ATP6V1H: variants seen among roughly 807,000 people sequenced by gnomAD.
ATP6V1H encodes the protein ATPase H+ transporting V1 subunit H, also known as V-type proton ATPase subunit H.
In ATP6V1H, 39 loss-of-function variants were observed where a neutral mutation model predicts 71.7. The observed-to-expected ratio is 0.54, with a 90% CI of 0.42 to 0.71. ATP6V1H has a LOEUF of 0.71. Ranked by LOEUF, ATP6V1H falls within the 30% of genes least tolerant of loss-of-function variation. The probability of loss-of-function intolerance (pLI) is 0.00; values close to 1 mark genes in which losing one functional copy is unlikely to be tolerated. For missense variants in ATP6V1H, 509 were observed against 594.9 expected (o/e 0.86, Z 1.50); for synonymous variants, 192 against 199.3 (o/e 0.96, Z 0.31).
chr8:53,823,179 C>T (rs1810716305), intron 4 of ATP6V1H, among the ~76,000 whole-genome samples: 1 of 151,854 alleles, frequency 6.6e-6, no homozygotes, highest in Admixed American at 6.6e-5. Flanking sequence ...ACTTATACCC[C>T]TTAAGAAAGA....
intron 12 of ATP6V1H, among the ~76,000 whole-genome samples, chr8:53,754,900 G>C (rs894768893): frequency 6.6e-6 from 1 of 152,216 alleles, no homozygotes; most frequent in Non-Finnish European, 1.5e-5. Context: ...CCACCAGCCA[G>C]AGGACATTTG....
rs548049718 is a variant in ATP6V1H at position 53,784,637 on chromosome 8, G to T, written c.870+11010C>A. 2.0e-5 allele frequency among the ~76,000 whole-genome samples: 3 copies of T among 152,280 alleles called. No homozygotes were observed. In the East Asian group the frequency reaches 5.8e-4, roughly 29 times the overall value. ...GATGCAGTTTCTTCCTAGCAGTGAT[G>T]GTCTTTACAATTTGGCATGTTTTTG... On this transcript the variant is annotated intron_variant, in intron 9 of 13. Transcript: ENST00000359530.
At chr8:53,821,468 G>A (rs1258945717) in intron 4 of ATP6V1H, among the ~76,000 whole-genome samples, 3 of 151,932 alleles carry the variant, frequency 2.0e-5, no homozygotes, top group African/African-American at 2.4e-5. Context: ...ATTTCTTGAG[G>A]CCAGTATTTC....
At chr8:53,774,895 AAAG>A (rs1207456790) in intron 9 of ATP6V1H, among the ~76,000 whole-genome samples, 3 of 152,218 alleles carry the variant, frequency 2.0e-5, no homozygotes, top group Admixed American at 2.0e-4. Flanking sequence ...AGAGAAACAT[AAAG>A]AAGACCCAAA....
intron 13 of ATP6V1H, among the ~76,000 whole-genome samples, chr8:53,736,184 TAA>T (rs765290703): frequency 3.9e-5 from 6 of 152,200 alleles, no homozygotes; most frequent in Non-Finnish European, 8.8e-5. Flanking sequence ...CACTTATATA[TAA>T]GTGTCCCCAC....
At position 53,795,852 on chromosome 8, in the gene ATP6V1H, C is replaced by CA; in HGVS notation, c.678-14dup. 6.4e-6 allele frequency: 10 copies of CA among 1,570,394 alleles called. No homozygotes were observed. The highest frequency in any genetic ancestry group is 8.6e-6 in the Non-Finnish European group (10 of 1,163,750). ...CACTCCCATTATGCTGAAAAACAAA[C>CA]AAACAAAAAAAACACATTTACAAAA... On this transcript the variant is annotated splice_polypyrimidine_tract_variant and intron_variant, in intron 8 of 13. Transcript: ENST00000359530.
chr8:53,758,370 T>A (rs1396349140), intron 11 of ATP6V1H, among the ~76,000 whole-genome samples: 3 of 152,172 alleles, frequency 2.0e-5, no homozygotes, highest in Non-Finnish European at 4.4e-5. Context: ...ATGTGAAATA[T>A]ATAACATTTT....
In ATP6V1H at chr8:53,814,727, CT is replaced by C; in HGVS notation, c.459del (p.Glu154AsnfsTer2). The C allele has an allele frequency of 6.2e-7, 1 of 1,613,006 alleles. No individual in the cohort carries two copies. Among genetic ancestry groups the C allele is most frequent in the Non-Finnish European group, 8.5e-7 (1 of 1,179,596 alleles). ...TTTAAGTCACTGCCTTCCATCAGTT[CT>C]TTTCCCCAAGCTGCTAACTTGGCAA... ...RIIAKLAAWG[K>X]ELMEGSDLNY... On this transcript the variant is annotated frameshift_variant, in exon 6 of 14. Coordinates refer to ENST00000359530, the MANE Select transcript of ATP6V1H (RefSeq NM_015941.4). LOFTEE classifies it high-confidence loss of function.
intron 2 of ATP6V1H, among the ~76,000 whole-genome samples, chr8:53,833,731 C>T (rs1313369692): frequency 6.6e-6 from 1 of 152,084 alleles, no homozygotes; most frequent in East Asian, 1.9e-4. Context: ...TTTCCAAACT[C>T]CTTCCTGTGA....
chr8:53,715,824 T>C lies in ATP6V1H; in HGVS notation c.*140A>G. The C allele has an allele frequency of 1.6e-6, 1 of 608,472 alleles. No individual in the cohort carries two copies. Among genetic ancestry groups the C allele is most frequent in the South Asian group, 3.4e-5 (1 of 29,682 alleles). 37.7% of individuals were successfully genotyped at this position (608,472 alleles called of 1,614,324 possible). A position where few individuals can be genotyped will look rare whatever the true frequency, so the allele number is the denominator to read the frequency against. On this transcript the variant is annotated 3_prime_UTR_variant, in exon 14 of 14. Transcript: ENST00000359530. ...GGCAAACATGTTATTTTGTTGTTGTTGTTTGGAAATTAGCATTGGGAAAAG... is the reference window on the plus strand; with the variant it reads ...GGCAAACATGTTATTTTGTTGTTGTCGTTTGGAAATTAGCATTGGGAAAAG...
intron 13 of ATP6V1H, among the ~76,000 whole-genome samples, chr8:53,720,575 C>A (rs1403016443): frequency 6.6e-6 from 1 of 152,232 alleles, no homozygotes; most frequent in Non-Finnish European, 1.5e-5. Flanking sequence ...CTTACCTTCA[C>A]AGTGTATTTA....
intron 13 of ATP6V1H, among the ~76,000 whole-genome samples, chr8:53,718,170 A>G (rs1806487785): frequency 6.6e-6 from 1 of 152,174 alleles, no homozygotes; most frequent in Non-Finnish European, 1.5e-5. Flanking sequence ...ACTAATACTT[A>G]GCAGACAACA....
intron 13 of ATP6V1H, among the ~76,000 whole-genome samples, chr8:53,717,756 G>A (rs1425507289): frequency 6.6e-6 from 1 of 152,034 alleles, no homozygotes; most frequent in East Asian, 1.9e-4. Context: ...AATATTTATG[G>A]CAAATTTCCA....
chr8:53,800,175 G>A (rs773993971), intron 8 of ATP6V1H, among the ~76,000 whole-genome samples: 1 of 152,194 alleles, frequency 6.6e-6, no homozygotes, highest in Non-Finnish European at 1.5e-5. Context: ...CCCTCTGGGA[G>A]GAAGAGAGCA....
Position 53,716,194 on chromosome 8 carries a change from T to C in ATP6V1H, c.1392-170A>G, listed in dbSNP as rs554988631. Among the ~76,000 whole-genome samples, 11 of 152,376 alleles carry C rather than the reference T, an allele frequency of 7.2e-5. No individual in the cohort carries two copies. In the East Asian group the frequency reaches 1.7e-3, roughly 24 times the overall value. On this transcript the variant is annotated intron_variant, in intron 13 of 13. Coordinates refer to ENST00000359530, the MANE Select transcript of ATP6V1H (RefSeq NM_015941.4). The stretch of plus-strand genomic sequence containing the variant: ...AAATTTCCAAAGTACTTGTGCTGTA[T>C]GAATTCTACTTCATGTATCATACAC...
intron 9 of ATP6V1H, among the ~76,000 whole-genome samples, chr8:53,773,993 T>A (rs973967181): frequency 1.3e-5 from 2 of 152,160 alleles, no homozygotes; most frequent in African/African-American, 4.8e-5. Context: ...GATAAAAGAT[T>A]TTTTTAACAA....
intron 11 of ATP6V1H, 85 bp from the exon 12 acceptor site, chr8:53,756,741 C>T (rs562121867): frequency 9.0e-5 from 71 of 784,860 alleles, no homozygotes; most frequent in African/African-American, 6.1e-4. Context: ...AAGATATCTT[C>T]CTGAAAATAG....
At chr8:53,716,524 A>C (rs1218563005) in intron 13 of ATP6V1H, among the ~76,000 whole-genome samples, 1 of 152,242 alleles carries the variant, frequency 6.6e-6, no homozygotes, top group African/African-American at 2.4e-5. Flanking sequence ...TAAATCACCA[A>C]AAGTAGCATT....
chr8:53,819,547 CATATATAT>C (rs34645455), intron 4 of ATP6V1H, among the ~76,000 whole-genome samples: 493 of 35,132 alleles, frequency 0.014, 26 homozygotes, highest in African/African-American at 0.044. Flanking sequence ...AAAAAAAAAG[CATATATAT>C]ATATATATAT....
Sources: gnomAD v4.1 joint callset for allele counts (sites outside exome capture counted in the v4.1 genomes callset) on GRCh38, gnomAD v4.1.1 for gene constraint, MANE v1.5 for transcripts, NCBI Gene and HGNC (gene_info 2026-07-23, HGNC 2026-07-21) for gene names.